LRRC49: variants seen among roughly 807,000 people sequenced by gnomAD.
The protein encoded by LRRC49 is leucine rich repeat containing 49.
A neutral mutation model predicts 83.3 loss-of-function variants in LRRC49; 50 were observed. That is an observed-to-expected ratio of 0.60 (90% confidence interval 0.48 to 0.76). LRRC49 has a LOEUF of 0.76. LRRC49 is among the 30% of genes least tolerant of loss of function. The pLI, the probability that LRRC49 is intolerant of heterozygous loss-of-function variation, is 0.00. For missense variants in LRRC49, 704 were observed against 809.1 expected (o/e 0.87, Z 1.58); for synonymous variants, 286 against 283.3 (o/e 1.01, Z -0.10).
upstream of LRRC49, chr15:70,892,566 A>T: frequency 6.7e-7 from 1 of 1,489,030 alleles, no homozygotes; most frequent in African/African-American, 1.4e-5. Context: ...GTAAAGAGGA[A>T]CGGACCGGAA....
chr15:70,900,847 C>A, intron 3 of LRRC49, 75 bp from the exon 4 acceptor site: 1 of 768,572 alleles, frequency 1.3e-6, no homozygotes, highest in Non-Finnish European at 2.2e-6. Flanking sequence ...TAAAATTCTC[C>A]AAATATAAGA....
chr15:70,966,290 G>C (rs1257710996), intron 9 of LRRC49, among the ~76,000 whole-genome samples: 1 of 152,032 alleles, frequency 6.6e-6, no homozygotes, highest in Non-Finnish European at 1.5e-5. Flanking sequence ...GAACTCATAG[G>C]GAGTGATTTT....
chr15:71,011,509 G>A (rs2038649962), intron 13 of LRRC49, among the ~76,000 whole-genome samples: 1 of 151,886 alleles, frequency 6.6e-6, no homozygotes, highest in South Asian at 2.1e-4. Flanking sequence ...TCAATGCCAG[G>A]GATATTTGAC....
At chr15:70,948,780 G>A (rs2036105622) in intron 8 of LRRC49, among the ~76,000 whole-genome samples, 1 of 152,130 alleles carries the variant, frequency 6.6e-6, no homozygotes, top group African/African-American at 2.4e-5. Flanking sequence ...AGTGCAAGGT[G>A]TGCTTATCCT....
intron 14 of LRRC49, among the ~76,000 whole-genome samples, chr15:71,035,549 A>C (rs748260282): frequency 1.3e-5 from 2 of 151,800 alleles, no homozygotes; most frequent in Non-Finnish European, 2.9e-5. Flanking sequence ...CCCTATGTCC[A>C]TGTGTTCTCA....
At chr15:70,977,078 C>T (rs984290638) in intron 9 of LRRC49, among the ~76,000 whole-genome samples, 7 of 152,058 alleles carry the variant, frequency 4.6e-5, no homozygotes, top group Non-Finnish European at 1.0e-4. Flanking sequence ...GTTTCCAGTA[C>T]TGTTTGAAAT....
chr15:70,965,257 AATTT>A (rs762810620), intron 9 of LRRC49, among the ~76,000 whole-genome samples: 10 of 152,100 alleles, frequency 6.6e-5, no homozygotes, highest in Non-Finnish European at 1.5e-4. Flanking sequence ...CCTCATAGTG[AATTT>A]ATTTGTCAGT....
At chr15:70,857,289 A>G (rs1366288195) in intron 1 of LRRC49, among the ~76,000 whole-genome samples, 1 of 152,098 alleles carries the variant, frequency 6.6e-6, no homozygotes, top group Non-Finnish European at 1.5e-5. Flanking sequence ...GCCTGGCACT[A>G]CAGCTGGAAA....
At chr15:70,913,406 T>C (rs945380751) in intron 6 of LRRC49, among the ~76,000 whole-genome samples, 5 of 151,972 alleles carry the variant, frequency 3.3e-5, no homozygotes, top group African/African-American at 1.2e-4. Flanking sequence ...GTGGGAGGAG[T>C]GTTGGTGGCC....
intron 7 of LRRC49, among the ~76,000 whole-genome samples, chr15:70,922,856 A>G (rs2035058137): frequency 6.6e-6 from 1 of 151,958 alleles, no homozygotes; most frequent in South Asian, 2.1e-4. Context: ...AATTAATAAA[A>G]CTCAAAAAAA....
chr15:71,005,893 T>C (rs1392586018), intron 11 of LRRC49, among the ~76,000 whole-genome samples: 6 of 152,222 alleles, frequency 3.9e-5, no homozygotes, highest in Admixed American at 3.3e-4. Context: ...AAACATTGTT[T>C]GGCAAGCTAA....
At chr15:70,970,015 TGAATA>T (rs1596080217) in intron 9 of LRRC49, among the ~76,000 whole-genome samples, 1 of 152,294 alleles carries the variant, frequency 6.6e-6, no homozygotes, top group East Asian at 1.9e-4. Context: ...AATACTATGT[TGAATA>T]GGAGTGGTGA....
intron 14 of LRRC49, among the ~76,000 whole-genome samples, chr15:71,025,217 G>T (rs1215713287): frequency 6.6e-6 from 1 of 152,146 alleles, no homozygotes; most frequent in African/African-American, 2.4e-5. Flanking sequence ...GATACTCCAT[G>T]AGAAGATCAA....
intron 7 of LRRC49, among the ~76,000 whole-genome samples, chr15:70,923,477 C>G (rs550793930): frequency 3.3e-5 from 5 of 151,834 alleles, no homozygotes; most frequent in Non-Finnish European, 7.4e-5. Flanking sequence ...ATTACTAACT[C>G]CTTCATTAAG....
At chr15:70,906,747 A>T (rs2141115950) in intron 5 of LRRC49, among the ~76,000 whole-genome samples, 1 of 152,342 alleles carries the variant, frequency 6.6e-6, no homozygotes, top group Non-Finnish European at 1.5e-5. Context: ...TTCAACTCTA[A>T]GAGACTTAAT....
chr15:70,868,799 C>T (rs2032965906), intron 1 of LRRC49, among the ~76,000 whole-genome samples: 1 of 152,180 alleles, frequency 6.6e-6, no homozygotes, highest in African/African-American at 2.4e-5. Context: ...TTTCGTTTTT[C>T]TAAATAGGTA....
At chr15:70,900,705 G>C in intron 3 of LRRC49, 1 of 498,914 alleles carries the variant, frequency 2.0e-6, no homozygotes, top group East Asian at 4.0e-5. Context: ...TAAGGCAAGG[G>C]AAAAATTATT....
At chr15:70,884,228 A>G (rs964854762) in intron 2 of LRRC49, among the ~76,000 whole-genome samples, 2 of 152,144 alleles carry the variant, frequency 1.3e-5, no homozygotes, top group Non-Finnish European at 2.9e-5. Context: ...ATCATAGGCT[A>G]TTGATACCCA....
chr15:70,986,872 T>G (rs2037641820), intron 11 of LRRC49, among the ~76,000 whole-genome samples: 1 of 152,234 alleles, frequency 6.6e-6, no homozygotes, highest in African/African-American at 2.4e-5. Context: ...CAAAGGCCTT[T>G]TCTGCATCTA....
Sources: allele counts gnomAD v4.1 joint callset (sites outside exome capture counted in the v4.1 genomes callset), GRCh38; gene constraint gnomAD v4.1.1; transcripts MANE v1.5; gene names NCBI Gene and HGNC (gene_info 2026-07-23, HGNC 2026-07-21).